Variants in GRIP1 observed in about 807,000 individuals in gnomAD.
GRIP1 encodes glutamate receptor interacting protein 1.
GRIP1 carries 45 observed loss-of-function variants against 129.9 expected under a neutral mutation model. The ratio of observed to expected loss-of-function variants is 0.35; its 90% confidence interval spans 0.27 to 0.44. The LOEUF (loss-of-function observed/expected upper bound fraction) is 0.44, where lower values mean the gene tolerates loss of function less well. Ranked by LOEUF, GRIP1 falls within the 20% of genes least tolerant of loss-of-function variation. The pLI is 1.00. For synonymous variants in GRIP1, 530 were observed against 520.8 expected, an observed-to-expected ratio of 1.02 and a Z score of -0.24; for missense variants, 1,196 against 1,396.8, an observed-to-expected ratio of 0.86 and a Z score of 2.29.
intron 1 of GRIP1, among the ~76,000 whole-genome samples, chr12:66,691,107 G>A (rs1476568712): frequency 6.6e-6 from 1 of 152,100 alleles, no homozygotes; most frequent in Non-Finnish European, 1.5e-5. Flanking sequence ...CATTTTATGA[G>A]ATTTTTGTTT....
At chr12:66,719,308 G>T (rs192694287) in intron 1 of GRIP1, among the ~76,000 whole-genome samples, 5 of 152,096 alleles carry the variant, frequency 3.3e-5, no homozygotes, top group African/African-American at 9.7e-5. Context: ...AATGTGAAAA[G>T]AACTTTTTAG....
intron 1 of GRIP1, among the ~76,000 whole-genome samples, chr12:67,050,360 T>C (rs1034107301): frequency 6.6e-5 from 10 of 152,142 alleles, no homozygotes; most frequent in Non-Finnish European, 8.8e-5. Context: ...AATAATTAGA[T>C]TGATATAGGA....
chr12:66,910,779 T>C (rs962825807), intron 1 of GRIP1, among the ~76,000 whole-genome samples: 1 of 152,124 alleles, frequency 6.6e-6, no homozygotes, highest in African/African-American at 2.4e-5. Context: ...ATTCTAAAAC[T>C]ATGTCCCTAG....
intron 1 of GRIP1, among the ~76,000 whole-genome samples, chr12:66,956,403 C>G (rs2041842131): frequency 6.6e-6 from 1 of 152,094 alleles, no homozygotes; most frequent in Admixed American, 6.5e-5. Flanking sequence ...ATGATATCAG[C>G]AGGATTTATC....
intron 1 of GRIP1, among the ~76,000 whole-genome samples, chr12:66,801,691 A>G (rs2038862133): frequency 1.3e-5 from 2 of 152,086 alleles, no homozygotes; most frequent in Non-Finnish European, 1.5e-5. Flanking sequence ...ATTATTACAC[A>G]TACAAAGTTC....
intron 1 of GRIP1, among the ~76,000 whole-genome samples, chr12:67,059,057 G>T (rs1382716426): frequency 1.3e-5 from 2 of 152,154 alleles, no homozygotes; most frequent in East Asian, 1.9e-4. Context: ...TAGCATGAAG[G>T]CCCCCTATGT....
chr12:66,910,973 G>A (rs139995094), intron 1 of GRIP1, among the ~76,000 whole-genome samples: 3 of 152,274 alleles, frequency 2.0e-5, no homozygotes, highest in African/African-American at 7.2e-5. Flanking sequence ...AACTGCAGCC[G>A]TTCATACCTT....
intron 23 of GRIP1, among the ~76,000 whole-genome samples, chr12:66,363,507 T>C (rs2137195351): frequency 6.6e-6 from 1 of 151,446 alleles, no homozygotes; most frequent in East Asian, 1.9e-4. Context: ...TGCCTTGGCC[T>C]CCTAAAGTAT....
At chr12:66,743,210 T>C (rs1363030893) in intron 1 of GRIP1, among the ~76,000 whole-genome samples, 1 of 152,128 alleles carries the variant, frequency 6.6e-6, no homozygotes, top group East Asian at 1.9e-4. Context: ...TTGTTGAAAA[T>C]ATTTTTGGGG....
intron 1 of GRIP1, among the ~76,000 whole-genome samples, chr12:66,763,620 T>G (rs1273929616): frequency 6.6e-6 from 1 of 151,984 alleles, no homozygotes; most frequent in African/African-American, 2.4e-5. Flanking sequence ...GAAAAAAACA[T>G]GACAACATAA....
intron 1 of GRIP1, among the ~76,000 whole-genome samples, chr12:66,886,253 G>T (rs1161176015): frequency 6.6e-6 from 1 of 152,024 alleles, no homozygotes; most frequent in East Asian, 1.9e-4. Flanking sequence ...GTGACAGAGT[G>T]AGACCATGTC....
chr12:66,408,379 T>TGA, intron 15 of GRIP1, among the ~76,000 whole-genome samples: 1 of 152,264 alleles, frequency 6.6e-6, no homozygotes, highest in South Asian at 2.1e-4. Context: ...TTCGGGAGGC[T>TGA]GAGGCAGGAG....
chr12:66,908,532 T>A (rs540253973), intron 1 of GRIP1, among the ~76,000 whole-genome samples: 50 of 152,326 alleles, frequency 3.3e-4, no homozygotes, highest in African/African-American at 1.1e-3. Context: ...GGGTAGACAC[T>A]GTATTAAAAT....
chr12:66,737,655 C>G (rs1433249707), intron 1 of GRIP1, among the ~76,000 whole-genome samples: 5 of 152,162 alleles, frequency 3.3e-5, no homozygotes, highest in Non-Finnish European at 1.5e-5. Flanking sequence ...CTCAGTATCT[C>G]TTTGACAATA....
chr12:66,462,801 C>CA (rs34456744), intron 9 of GRIP1, 123 bp downstream of exon 9: 47,522 of 345,420 alleles, frequency 0.14, 2,020 homozygotes, highest in African/African-American at 0.26. Flanking sequence ...GACTCCATCT[C>CA]AAAAAAAAAA....
chr12:66,776,619 C>T (rs755452993), intron 1 of GRIP1, among the ~76,000 whole-genome samples: 2 of 152,252 alleles, frequency 1.3e-5, no homozygotes, highest in East Asian at 1.9e-4. Flanking sequence ...CAAGTAAATA[C>T]AGAGCAATAT....
intron 22 of GRIP1, among the ~76,000 whole-genome samples, chr12:66,373,616 C>T (rs1347435133): frequency 6.6e-6 from 1 of 152,158 alleles, no homozygotes; most frequent in East Asian, 1.9e-4. Context: ...GAACAACAGC[C>T]AAGTGTTGGC....
intron 1 of GRIP1, among the ~76,000 whole-genome samples, chr12:66,641,472 T>C (rs1254847909): frequency 6.6e-6 from 1 of 152,212 alleles, no homozygotes; most frequent in Non-Finnish European, 1.5e-5. Flanking sequence ...AAGTCTAAAC[T>C]TTCAGAGATA....
intron 2 of GRIP1, among the ~76,000 whole-genome samples, chr12:66,571,488 T>C (rs1054950944): frequency 1.3e-5 from 2 of 152,204 alleles, no homozygotes; most frequent in Non-Finnish European, 2.9e-5. Flanking sequence ...CTTTGTTTTT[T>C]TTTCATTGCA....
Sources: allele counts gnomAD v4.1 joint callset (sites outside exome capture counted in the v4.1 genomes callset), GRCh38; gene constraint gnomAD v4.1.1; transcripts MANE v1.5; gene names NCBI Gene and HGNC (gene_info 2026-07-23, HGNC 2026-07-21).